The following MYO16 variants were observed in gnomAD, a reference collection of about 807,000 sequenced individuals.
The protein encoded by MYO16 is myosin XVI.
A neutral mutation model predicts 205.3 loss-of-function variants in MYO16; 94 were observed. The observed-to-expected ratio is 0.46, with a 90% CI of 0.39 to 0.54. MYO16 has a LOEUF of 0.54. Ranked by LOEUF, MYO16 falls within the 20% of genes least tolerant of loss-of-function variation. The probability of loss-of-function intolerance (pLI) is 0.00; values close to 1 mark genes in which losing one functional copy is unlikely to be tolerated. For synonymous variants in MYO16, 988 were observed against 954.0 expected, an observed-to-expected ratio of 1.04 and a Z score of -0.66; for missense variants, 2,315 against 2,387.5, an observed-to-expected ratio of 0.97 and a Z score of 0.63.
the MYO16 span, among the ~76,000 whole-genome samples, chr13:108,537,661 G>GT: frequency 6.6e-5 from 10 of 151,290 alleles, no homozygotes; most frequent in East Asian, 1.5e-3. Context: ...ACCAACATTT[G>GT]TTTTTTTGTT....
At chr13:109,100,102 T>C (rs543336833) in intron 27 of MYO16, among the ~76,000 whole-genome samples, 1 of 152,348 alleles carries the variant, frequency 6.6e-6, no homozygotes, top group Admixed American at 6.5e-5. Context: ...GTATCTCAGG[T>C]TAACCACTGT....
the MYO16 span, among the ~76,000 whole-genome samples, chr13:108,555,067 CA>C: frequency 2.6e-5 from 4 of 152,012 alleles, no homozygotes; most frequent in Admixed American, 2.0e-4. Context: ...CGGCTAGTCT[CA>C]AAAGAGAATT....
intron 1 of MYO16, among the ~76,000 whole-genome samples, chr13:108,639,982 C>A (rs1447787538): frequency 6.6e-6 from 1 of 152,182 alleles, no homozygotes; most frequent in African/African-American, 2.4e-5. Flanking sequence ...CTTGGGCATG[C>A]CAAGTCCCAC....
At chr13:108,733,724 A>C (rs1884598536) in intron 4 of MYO16, among the ~76,000 whole-genome samples, 5 of 152,228 alleles carry the variant, frequency 3.3e-5, no homozygotes, top group Admixed American at 3.3e-4. Flanking sequence ...GCACTTTGGG[A>C]GGCCGAGGTG....
Position 109,125,731 on chromosome 13 carries a change from T to C in MYO16, c.3782+373T>C, listed in dbSNP as rs1594106624. 6.6e-6 allele frequency among the ~76,000 whole-genome samples: 1 copy of C among 152,228 alleles called. No homozygotes were observed. Among genetic ancestry groups the C allele is most frequent in the African/African-American group, 2.4e-5 (1 of 41,454 alleles). On this transcript the variant is annotated intron_variant, in intron 30 of 34. Transcript: ENST00000457511. The surrounding 1 kb of genome is among the most constrained non-coding windows in gnomAD (Gnocchi z 4.0). ...GCGTTACGGATATAAGGCTGGCTTA[T>C]AGAAACTTCTGGAAATCTGACCCAA...
chr13:108,897,041 A>G (rs1242477879), intron 14 of MYO16, among the ~76,000 whole-genome samples: 1 of 152,218 alleles, frequency 6.6e-6, no homozygotes, highest in Non-Finnish European at 1.5e-5. Flanking sequence ...GTGGGATCAA[A>G]GCACTTAAAA....
intron 21 of MYO16, among the ~76,000 whole-genome samples, chr13:108,999,763 G>A (rs890547025): frequency 2.0e-5 from 3 of 152,032 alleles, no homozygotes; most frequent in Admixed American, 2.0e-4. Flanking sequence ...ACAAAACCAA[G>A]GTCTGAATTC....
At chr13:109,143,560 A>G (rs1877198217) in intron 32 of MYO16, among the ~76,000 whole-genome samples, 1 of 152,206 alleles carries the variant, frequency 6.6e-6, no homozygotes, top group Admixed American at 6.5e-5. Flanking sequence ...AGAAAGGAAC[A>G]AGGTGAGTTC....
chr13:109,040,748 C>T (rs1050367593), intron 23 of MYO16, among the ~76,000 whole-genome samples: 2 of 152,148 alleles, frequency 1.3e-5, no homozygotes, highest in East Asian at 1.9e-4. Flanking sequence ...AAAAATCCTA[C>T]AGCCAATATT....
intron 33 of MYO16, among the ~76,000 whole-genome samples, chr13:109,165,314 T>C (rs371324614): frequency 6.6e-6 from 1 of 152,216 alleles, no homozygotes; most frequent in Admixed American, 6.5e-5. Context: ...GGTCCAAAAT[T>C]AGTCTTATAC....
At chr13:108,989,005 G>A (rs1241102359) in intron 20 of MYO16, among the ~76,000 whole-genome samples, 1 of 152,084 alleles carries the variant, frequency 6.6e-6, no homozygotes, top group Non-Finnish European at 1.5e-5. Flanking sequence ...TCCCCTCTCT[G>A]CCCTTAAGGT....
rs138992643 is a variant in MYO16, at chr13:108,646,728, C to T, written c.28+16856C>T. Among the ~76,000 whole-genome samples, 250 of 152,048 alleles carry T rather than the reference C, an allele frequency of 1.6e-3. 1 individual carries two copies. Among genetic ancestry groups the T allele is most frequent in the Middle Eastern group, 6.8e-3 (2 of 294 alleles). Reference sequence around the variant, plus strand: ...TGAAAGTATTCTGTGACTAATCTGTCAAAAAGAGACAATATTGGTAATTTT... The same window carrying T: ...TGAAAGTATTCTGTGACTAATCTGTTAAAAAGAGACAATATTGGTAATTTT... On this transcript the variant is annotated intron_variant, in intron 1 of 34. Coordinates refer to ENST00000457511, the MANE Select transcript of MYO16 (RefSeq NM_001198950.3).
chr13:108,784,005 G>A (rs764833362), intron 4 of MYO16, among the ~76,000 whole-genome samples: 1 of 152,186 alleles, frequency 6.6e-6, no homozygotes, highest in Non-Finnish European at 1.5e-5. Context: ...GCCAAGGCAT[G>A]GCCTTCCCAT....
the MYO16 span, among the ~76,000 whole-genome samples, chr13:108,577,577 C>T: frequency 6.6e-6 from 1 of 152,230 alleles, no homozygotes; most frequent in Non-Finnish European, 1.5e-5. Flanking sequence ...AGGCCTCACT[C>T]ATGTCCCATT....
chr13:109,037,749 G>A (rs1886761035), intron 23 of MYO16, among the ~76,000 whole-genome samples: 1 of 152,070 alleles, frequency 6.6e-6, no homozygotes, highest in South Asian at 2.1e-4. Flanking sequence ...CCTATGTGTT[G>A]TAGATGAGAA....
At chr13:108,913,630 TG>T (rs933327807) in intron 16 of MYO16, among the ~76,000 whole-genome samples, 2 of 152,246 alleles carry the variant, frequency 1.3e-5, no homozygotes, top group African/African-American at 4.8e-5. Flanking sequence ...TCCTTAAAAT[TG>T]GTACCCATAG....
rs1238283773 is a variant in MYO16 at position 108,648,140 on chromosome 13, TTAAAAAGAG to T, written c.29-17743_29-17735del. On this transcript the variant is annotated intron_variant, in intron 1 of 34. Coordinates refer to ENST00000457511, the MANE Select transcript of MYO16 (RefSeq NM_001198950.3). ...TCAACTTTTCAGATACATTCAGATA[TTAAAAAGAG>T]TACAGTGCAAGAATTGGGCTCAATG... is the stretch of plus-strand genomic sequence containing the variant. Among the ~76,000 whole-genome samples the T allele has an allele frequency of 2.0e-5, 3 of 152,190 alleles. No homozygotes were observed. In the East Asian group the frequency reaches 5.8e-4, roughly 29 times the overall value.
At chr13:109,019,998 G>T (rs1431054331) in intron 23 of MYO16, 87 bp downstream of exon 23, 1 of 1,348,296 alleles carries the variant, frequency 7.4e-7, no homozygotes, top group African/African-American at 1.5e-5. Context: ...ATATTTTAAG[G>T]TGTGTTATTT....
chr13:108,638,327 T>G (rs1041018226), intron 1 of MYO16, among the ~76,000 whole-genome samples: 1 of 151,976 alleles, frequency 6.6e-6, no homozygotes, highest in African/African-American at 2.4e-5. Flanking sequence ...AACTAATAGG[T>G]CAATACTACT....
Sources: allele counts gnomAD v4.1 joint callset (sites outside exome capture counted in the v4.1 genomes callset), GRCh38; gene constraint gnomAD v4.1.1; non-coding constraint Gnocchi (gnomAD v3.1); transcripts MANE v1.5; gene names NCBI Gene and HGNC (gene_info 2026-07-23, HGNC 2026-07-21).